Variants in GALNTL6 observed in about 807,000 individuals in gnomAD.
The protein encoded by GALNTL6 is polypeptide N-acetylgalactosaminyltransferase like 6.
A neutral mutation model predicts 73.7 loss-of-function variants in GALNTL6; 46 were observed. That is an observed-to-expected ratio of 0.62 (90% confidence interval 0.49 to 0.80). The LOEUF (loss-of-function observed/expected upper bound fraction) is 0.80. GALNTL6 is among the 30% of genes least tolerant of loss of function. The pLI is 0.00. For synonymous variants in GALNTL6, 259 were observed against 263.7 expected (o/e 0.98, Z 0.17); for missense variants, 604 against 755.0 (o/e 0.80, Z 2.34).
At chr4:172,016,541 A>G (rs1244523767) in intron 2 of GALNTL6, among the ~76,000 whole-genome samples, 1 of 151,958 alleles carries the variant, frequency 6.6e-6, no homozygotes, top group Non-Finnish European at 1.5e-5. Context: ...TTGCTTACTA[A>G]TCAATAACCT....
At chr4:171,908,341 T>C (rs1208228808) in intron 2 of GALNTL6, among the ~76,000 whole-genome samples, 1 of 151,930 alleles carries the variant, frequency 6.6e-6, no homozygotes, top group African/African-American at 2.4e-5. Context: ...GAGAAGGACA[T>C]GAACAGACAC....
chr4:172,625,476 C>T (rs1188589924), intron 5 of GALNTL6, among the ~76,000 whole-genome samples: 4 of 152,098 alleles, frequency 2.6e-5, no homozygotes, highest in South Asian at 2.1e-4. Flanking sequence ...AATAGCATCA[C>T]GATGAACAAA....
intron 5 of GALNTL6, among the ~76,000 whole-genome samples, chr4:172,659,043 A>G (rs1216818062): frequency 6.6e-6 from 1 of 152,222 alleles, no homozygotes; most frequent in Non-Finnish European, 1.5e-5. Flanking sequence ...AGCAGCATAC[A>G]TGTATTCGAT....
At chr4:172,803,440 C>A (rs1051674841) in intron 5 of GALNTL6, among the ~76,000 whole-genome samples, 1 of 152,174 alleles carries the variant, frequency 6.6e-6, no homozygotes, top group Non-Finnish European at 1.5e-5. Flanking sequence ...CATCCCGAAA[C>A]CATCCCTCCC....
intron 2 of GALNTL6, among the ~76,000 whole-genome samples, chr4:172,078,377 G>A (rs1206359172): frequency 3.9e-5 from 6 of 152,118 alleles, no homozygotes; most frequent in South Asian, 2.1e-4. Context: ...TGTAAGTTTC[G>A]TGAGGCCTCC....
chr4:172,912,703 A>T (rs1028309842), intron 8 of GALNTL6, among the ~76,000 whole-genome samples: 3 of 152,148 alleles, frequency 2.0e-5, no homozygotes, highest in Non-Finnish European at 4.4e-5. Flanking sequence ...GACTAGGTAA[A>T]CAAAGCGGTG....
chr4:172,708,706 T>C (rs116399623), intron 5 of GALNTL6, among the ~76,000 whole-genome samples: 1,779 of 152,348 alleles, frequency 0.012, 14 homozygotes, highest in South Asian at 0.035. Flanking sequence ...GCTTTTGATT[T>C]GCATACAGAA....
intron 2 of GALNTL6, among the ~76,000 whole-genome samples, chr4:172,015,419 C>A (rs938014304): frequency 1.3e-4 from 20 of 151,312 alleles, no homozygotes; most frequent in African/African-American, 4.6e-4. Context: ...AACCCTTTAC[C>A]TTAAGTTTGT....
intron 2 of GALNTL6, among the ~76,000 whole-genome samples, chr4:171,971,270 C>T (rs1476998260): frequency 6.6e-6 from 1 of 152,104 alleles, no homozygotes; most frequent in Non-Finnish European, 1.5e-5. Context: ...GTGAATTATC[C>T]CTCTGAATGA....
intron 5 of GALNTL6, among the ~76,000 whole-genome samples, chr4:172,458,104 G>A (rs915656052): frequency 6.6e-6 from 1 of 151,816 alleles, no homozygotes. Context: ...ACTGAACAAC[G>A]TGCTCCTGAA....
intron 2 of GALNTL6, among the ~76,000 whole-genome samples, chr4:171,965,006 C>T (rs910772409): frequency 4.6e-5 from 7 of 152,180 alleles, no homozygotes; most frequent in African/African-American, 1.4e-4. Context: ...CTGCTTTTTC[C>T]TTTCTTTTTA....
chr4:172,049,026 T>C (rs568404861), intron 2 of GALNTL6, among the ~76,000 whole-genome samples: 2 of 152,292 alleles, frequency 1.3e-5, no homozygotes, highest in Non-Finnish European at 2.9e-5. Flanking sequence ...CGCAATTTGT[T>C]TCTTAGAGAG....
intron 7 of GALNTL6, among the ~76,000 whole-genome samples, chr4:172,872,014 A>G (rs1744970775): frequency 6.6e-6 from 1 of 152,120 alleles, no homozygotes. Context: ...GCTGGTCTCA[A>G]ACTCCTGACC....
intron 5 of GALNTL6, among the ~76,000 whole-genome samples, chr4:172,779,619 TCACTGAAGA>T (rs1739268914): frequency 6.6e-6 from 1 of 152,206 alleles, no homozygotes; most frequent in African/African-American, 2.4e-5. Context: ...TTTGTTTCCA[TCACTGAAGA>T]AAAGCAAGTG....
intron 2 of GALNTL6, among the ~76,000 whole-genome samples, chr4:171,917,697 G>A (rs981354935): frequency 3.9e-5 from 6 of 151,974 alleles, no homozygotes; most frequent in African/African-American, 1.4e-4. Context: ...GATTTCTGGG[G>A]CTTTCATATT....
At chr4:172,606,145 T>A (rs1036676333) in intron 5 of GALNTL6, among the ~76,000 whole-genome samples, 1 of 152,208 alleles carries the variant, frequency 6.6e-6, no homozygotes, top group Non-Finnish European at 1.5e-5. Flanking sequence ...AAGAGCCTTG[T>A]GAGCCATAAT....
intron 5 of GALNTL6, among the ~76,000 whole-genome samples, chr4:172,446,908 A>G (rs1384236278): frequency 6.6e-6 from 1 of 152,100 alleles, no homozygotes; most frequent in Non-Finnish European, 1.5e-5. Flanking sequence ...TGGATGGTTA[A>G]TATCTCCAAT....
chr4:172,092,875 CT>C (rs201817743), intron 2 of GALNTL6, among the ~76,000 whole-genome samples: 6,359 of 130,246 alleles, frequency 0.049, 153 homozygotes, highest in African/African-American at 0.11. Flanking sequence ...TTTTTCTTTT[CT>C]TTTTTTTTTT....
intron 2 of GALNTL6, among the ~76,000 whole-genome samples, chr4:172,016,399 T>C (rs974029558): frequency 1.3e-5 from 2 of 152,108 alleles, no homozygotes; most frequent in African/African-American, 2.4e-5. Context: ...AACTGTGTTG[T>C]TCATTTACAG....
Sources: allele counts gnomAD v4.1 joint callset (sites outside exome capture counted in the v4.1 genomes callset), GRCh38; gene constraint gnomAD v4.1.1; transcripts MANE v1.5; gene names NCBI Gene and HGNC (gene_info 2026-07-23, HGNC 2026-07-21).